Variants in CHD9 observed in about 807,000 individuals in gnomAD.
The protein encoded by CHD9 is ATP-dependent chromatin remodeler CHD9.
In CHD9, 77 loss-of-function variants were observed where a neutral mutation model predicts 316.1. That is an observed-to-expected ratio of 0.24 (90% confidence interval 0.20 to 0.29). The LOEUF is 0.29. Ranked by LOEUF, CHD9 falls within the 10% of genes least tolerant of loss-of-function variation. CHD9 has a pLI of 1.00. For missense variants in CHD9, 2,763 were observed against 3,438.1 expected (o/e 0.80, Z 4.91); for synonymous variants, 1,129 against 1,158.3 (o/e 0.97, Z 0.51).
intron 34 of CHD9, among the ~76,000 whole-genome samples, chr16:53,310,348 G>A (rs750524552): frequency 6.6e-5 from 10 of 151,624 alleles, no homozygotes; most frequent in Non-Finnish European, 8.8e-5. Flanking sequence ...CCAGAAAATG[G>A]TAACAAATGG....
At chr16:53,310,366 A>G (rs1484211764) in intron 34 of CHD9, among the ~76,000 whole-genome samples, 2 of 152,004 alleles carry the variant, frequency 1.3e-5, no homozygotes, top group African/African-American at 2.4e-5. Flanking sequence ...TGGGGAAGAT[A>G]AGCTGTGCGT....
chr16:53,270,054 G>T (rs1040349820), intron 22 of CHD9, among the ~76,000 whole-genome samples: 1 of 152,004 alleles, frequency 6.6e-6, no homozygotes, highest in African/African-American at 2.4e-5. Context: ...GCCCAAGCTA[G>T]AGTGTTGTGA....
intron 1 of CHD9, among the ~76,000 whole-genome samples, chr16:53,104,158 G>T (rs2037125253): frequency 6.6e-6 from 1 of 152,202 alleles, no homozygotes; most frequent in African/African-American, 2.4e-5. Flanking sequence ...ATGTTTGGAG[G>T]AAAAGGGTGA....
chr16:53,190,514 T>TA (rs2044394847), intron 2 of CHD9, among the ~76,000 whole-genome samples: 3 of 152,086 alleles, frequency 2.0e-5, no homozygotes, highest in African/African-American at 7.2e-5. Context: ...GAATATAACT[T>TA]ACGAAATTTT....
At chr16:53,293,570 T>C (rs766359712) in intron 29 of CHD9, among the ~76,000 whole-genome samples, 2 of 152,080 alleles carry the variant, frequency 1.3e-5, no homozygotes, top group Non-Finnish European at 2.9e-5. Context: ...GAGATGTGAT[T>C]GTACCACTGC....
At chr16:53,167,365 G>A (rs1339988921) in intron 2 of CHD9, among the ~76,000 whole-genome samples, 2 of 152,110 alleles carry the variant, frequency 1.3e-5, no homozygotes, top group South Asian at 2.1e-4. Flanking sequence ...TTAGATGTCT[G>A]CCATATGTAA....
chr16:53,251,186 G>A (rs571883086), intron 17 of CHD9, among the ~76,000 whole-genome samples: 68 of 152,066 alleles, frequency 4.5e-4, no homozygotes, highest in African/African-American at 1.6e-3. Context: ...CCTTTAAAAA[G>A]GTAAAAAAGC....
intron 1 of CHD9, among the ~76,000 whole-genome samples, chr16:53,113,136 A>G (rs2037996890): frequency 6.6e-6 from 1 of 152,182 alleles, no homozygotes; most frequent in South Asian, 2.1e-4. Context: ...GTGAGCCATG[A>G]TTGTACCACT....
At chr16:53,302,315 C>T (rs1406791604) in intron 30 of CHD9, among the ~76,000 whole-genome samples, 1 of 152,046 alleles carries the variant, frequency 6.6e-6, no homozygotes, top group African/African-American at 2.4e-5. Flanking sequence ...AAGTGTTGAT[C>T]AGTTATTTAG....
intron 2 of CHD9, among the ~76,000 whole-genome samples, chr16:53,179,308 G>A (rs374132229): frequency 1.4e-5 from 2 of 145,936 alleles, no homozygotes; most frequent in Non-Finnish European, 3.0e-5. Context: ...CCAGTTGTTA[G>A]AACCAGCAGT....
rs1024752937 is a variant in CHD9, at chr16:53,327,283, C to T, written c.*2388C>T. The T allele has an allele frequency of 6.6e-6, 1 of 152,350 alleles. No individual in the cohort carries two copies. 9.4% of individuals were successfully genotyped at this position (152,350 alleles called of 1,614,324 possible). A position where few individuals can be genotyped will look rare whatever the true frequency, so the allele number is the denominator to read the frequency against. ...CTGTTATTGCCTTGTATTTATAGCCCTTGTTTCAGGTTTTATGATTCAAGT... is the reference window on the plus strand; with the variant it reads ...CTGTTATTGCCTTGTATTTATAGCCTTTGTTTCAGGTTTTATGATTCAAGT... On this transcript the variant is annotated 3_prime_UTR_variant, in exon 39 of 39. Coordinates refer to ENST00000447540, the MANE Select transcript of CHD9 (RefSeq NM_001308319.2).
intron 1 of CHD9, among the ~76,000 whole-genome samples, chr16:53,134,750 G>A (rs1182128559): frequency 6.6e-6 from 1 of 152,164 alleles, no homozygotes; most frequent in Non-Finnish European, 1.5e-5. Context: ...CAAAGAAGGG[G>A]AAACCACTTT....
chr16:53,132,608 A>G (rs909731523), intron 1 of CHD9, among the ~76,000 whole-genome samples: 8 of 152,152 alleles, frequency 5.3e-5, no homozygotes, highest in African/African-American at 1.9e-4. Context: ...CAAAAGGATG[A>G]TCATAGTGTT....
intron 1 of CHD9, among the ~76,000 whole-genome samples, chr16:53,097,849 G>A (rs547155504): frequency 3.3e-5 from 5 of 152,324 alleles, no homozygotes; most frequent in East Asian, 1.9e-4. Context: ...GGCTGGGTGC[G>A]GTGGCTCACA....
At position 53,285,713 on chromosome 16, in the gene CHD9, A is replaced by T. The variant is rs1338255575; in HGVS notation, c.5071+14A>T. 2 of 1,460,616 alleles carry T rather than the reference A, an allele frequency of 1.4e-6. No homozygotes were observed. The highest frequency in any genetic ancestry group is 1.8e-5 in the Admixed American group (1 of 55,918). 90.5% of individuals were successfully genotyped at this position (1,460,616 alleles called of 1,614,324 possible). Reference sequence around the variant, plus strand: ...TTTTTAAACATGGTAAGTAAGAAGTAAGGTAGGTGAGATCCCCTTCTATGT... The same window carrying T: ...TTTTTAAACATGGTAAGTAAGAAGTTAGGTAGGTGAGATCCCCTTCTATGT... On this transcript the variant is annotated intron_variant, in intron 25 of 38. Transcript: ENST00000447540.
chr16:53,220,737 A>G (rs1254622610), intron 3 of CHD9, among the ~76,000 whole-genome samples: 1 of 152,190 alleles, frequency 6.6e-6, no homozygotes, highest in Non-Finnish European at 1.5e-5. Context: ...TGTGTGTCAT[A>G]CAAGGCCTTC....
At chr16:53,098,292 A>G (rs2152564878) in intron 1 of CHD9, among the ~76,000 whole-genome samples, 1 of 152,216 alleles carries the variant, frequency 6.6e-6, no homozygotes, top group African/African-American at 2.4e-5. Flanking sequence ...CCTGGCCAAC[A>G]TGGTGAAACC....
At chr16:53,213,639 T>C (rs2046504870) in intron 3 of CHD9, among the ~76,000 whole-genome samples, 1 of 152,226 alleles carries the variant, frequency 6.6e-6, no homozygotes, top group Admixed American at 6.5e-5. Flanking sequence ...TTTTAGAATC[T>C]AGGACTTCCA....
At chr16:53,263,151 A>C (rs2051308280) in intron 20 of CHD9, 54 bp downstream of exon 20, 1 of 1,325,396 alleles carries the variant, frequency 7.5e-7, no homozygotes, top group African/African-American at 1.5e-5. Context: ...CTTTGGCAAT[A>C]GTATTGTAAT....
Sources: gnomAD v4.1 joint callset for allele counts (sites outside exome capture counted in the v4.1 genomes callset) on GRCh38, gnomAD v4.1.1 for gene constraint, MANE v1.5 for transcripts, NCBI Gene and HGNC (gene_info 2026-07-23, HGNC 2026-07-21) for gene names.